LMO2: variants seen among roughly 807,000 people sequenced by gnomAD.
LMO2 encodes the protein rhombotin-2.
In LMO2, 20 loss-of-function variants were observed where a neutral mutation model predicts 23.2. That is an observed-to-expected ratio of 0.86 (90% CI 0.61 to 1.25). LMO2 has a LOEUF of 1.25. LMO2 is among the 50% of genes most tolerant of loss of function. LMO2 has a pLI of 0.00. For synonymous variants in LMO2, 123 were observed against 130.2 expected, an observed-to-expected ratio of 0.94 and a Z score of 0.38; for missense variants, 270 against 315.3, an observed-to-expected ratio of 0.86 and a Z score of 1.09.
intron 2 of LMO2, among the ~76,000 whole-genome samples, chr11:33,878,180 C>G (rs1857182452): frequency 8.3e-6 from 1 of 120,706 alleles, no homozygotes; most frequent in South Asian, 2.8e-4. Flanking sequence ...TTAAAGGCAC[C>G]CTGTAATCCT....
intron 1 of LMO2, among the ~76,000 whole-genome samples, chr11:33,886,655 G>A (rs76532225): frequency 3.3e-5 from 5 of 152,180 alleles, no homozygotes; most frequent in Non-Finnish European, 7.4e-5. Flanking sequence ...AATGACAGGG[G>A]CATCTGTATC....
rs905640490 is a variant in LMO2 at position 33,869,724 on chromosome 11, C to T, written c.-8G>A. The T allele has an allele frequency of 7.8e-7, 1 of 1,286,026 alleles. No individual in the cohort carries two copies. Among genetic ancestry groups the T allele is most frequent in the African/African-American group, 1.6e-5 (1 of 63,900 alleles). The allele number at this position is 1,286,026 out of a possible 1,614,324, so 79.7% of individuals were successfully genotyped here. ...CAGGACTTAACCTTCCATCCCGGTC[C>T]CGCCGCCGCCACCGCCCGGTCCCTC... On this transcript the variant is annotated 5_prime_UTR_variant, in exon 3 of 6. Transcript: ENST00000257818.
In LMO2 at chr11:33,869,315, G is replaced by C. The variant is rs185381992; in HGVS notation, c.248+31C>G. Reference sequence around the variant, plus strand: ...CCGGGACGCGAGGCCGTGGACACCGGGGGTGGCAGGGGCAGGGGGGCCGCA... The same window carrying C: ...CCGGGACGCGAGGCCGTGGACACCGCGGGTGGCAGGGGCAGGGGGGCCGCA... On this transcript the variant is annotated intron_variant, in intron 4 of 5. Coordinates refer to ENST00000257818, the MANE Select transcript of LMO2 (RefSeq NM_005574.4). The C allele has an allele frequency of 1.1e-3, 1,327 of 1,164,394 alleles. 8 individuals carry two copies. In the African/African-American group the frequency reaches 0.02, roughly 17 times the overall value. The allele number at this position is 1,164,394 out of a possible 1,614,324, so 72.1% of individuals were successfully genotyped here. A position where few individuals can be genotyped will look rare whatever the true frequency, so the allele number is the denominator to read the frequency against.
chr11:33,881,279 C>CA (rs766220946), intron 2 of LMO2: 1 of 456,956 alleles, frequency 2.2e-6, no homozygotes, highest in South Asian at 1.5e-5. Flanking sequence ...TCATATCTCG[C>CA]AAAGGAAGAG....
chr11:33,872,642 C>G (rs1857051603), intron 2 of LMO2, among the ~76,000 whole-genome samples: 1 of 152,162 alleles, frequency 6.6e-6, no homozygotes, highest in South Asian at 2.1e-4. Flanking sequence ...AAGCAGGAAA[C>G]AGGATTCCTT....
At chr11:33,871,404 AAAAAAT>A (rs1408059842) in intron 2 of LMO2, among the ~76,000 whole-genome samples, 1 of 151,880 alleles carries the variant, frequency 6.6e-6, no homozygotes, top group Admixed American at 6.6e-5. Flanking sequence ...TACAAAAAAT[AAAAAAT>A]AAAAATAATT....
At chr11:33,884,785 T>C (rs906229524) in intron 1 of LMO2, among the ~76,000 whole-genome samples, 1 of 152,262 alleles carries the variant, frequency 6.6e-6, no homozygotes, top group Admixed American at 6.5e-5. Flanking sequence ...CAGGATACAC[T>C]ATGCCCTCTG....
At chr11:33,867,358 TA>T (rs1237532497) in intron 4 of LMO2, among the ~76,000 whole-genome samples, 1 of 152,214 alleles carries the variant, frequency 6.6e-6, no homozygotes, top group Non-Finnish European at 1.5e-5. Context: ...GTAAAAGAGT[TA>T]CGGTGATGGC....
At chr11:33,886,818 C>G (rs1249783728) in intron 1 of LMO2, among the ~76,000 whole-genome samples, 1 of 152,232 alleles carries the variant, frequency 6.6e-6, no homozygotes. Flanking sequence ...GGCCAATATT[C>G]TATCCCCTGT....
chr11:33,881,233 A>G (rs762259366), intron 2 of LMO2: 9 of 457,082 alleles, frequency 2.0e-5, no homozygotes, highest in Non-Finnish European at 1.8e-5. Context: ...TTCAAGCTAC[A>G]GTGCTTCCCA....
intron 1 of LMO2, among the ~76,000 whole-genome samples, chr11:33,890,235 G>C (rs1486049649): frequency 6.6e-6 from 1 of 152,184 alleles, no homozygotes; most frequent in East Asian, 1.9e-4. Context: ...TCTGGTGATA[G>C]ATACCAATAG....
At chr11:33,887,540 ATT>A (rs3072488) in intron 1 of LMO2, among the ~76,000 whole-genome samples, 1,659 of 132,886 alleles carry the variant, frequency 0.012, 17 homozygotes, top group Non-Finnish European at 0.017. Flanking sequence ...AGGAATGTGG[ATT>A]TTTTTTTTTT....
intron 2 of LMO2, 83 bp from the exon 3 acceptor site, chr11:33,870,070 C>CA: frequency 4.6e-5 from 11 of 237,866 alleles, no homozygotes; most frequent in East Asian, 1.8e-4. Flanking sequence ...TTTTTTCTTC[C>CA]TTTTTTTTTT....
chr11:33,860,644 G>A (rs532001334), intron 5 of LMO2, among the ~76,000 whole-genome samples: 2 of 152,142 alleles, frequency 1.3e-5, no homozygotes, highest in South Asian at 4.2e-4. Flanking sequence ...CATGCCTCTA[G>A]TCTCAGCTAT....
rs1191646794 is a variant in LMO2 at position 33,869,908 on chromosome 11, C to T, written c.-192G>A. On this transcript the variant is annotated 5_prime_UTR_variant, in exon 3 of 6. Transcript: ENST00000257818. ...TAGGGGCGGGGAGGGGACCGTGCGT[C>T]TCTCTCCGGGCTTCCTCCTCTCTCG... 2.9e-6 allele frequency: 3 copies of T among 1,050,416 alleles called. No homozygotes were observed. The highest frequency in any genetic ancestry group is 3.4e-5 in the African/African-American group (2 of 58,886). 65.1% of individuals were successfully genotyped at this position (1,050,416 alleles called of 1,614,324 possible). A position where few individuals can be genotyped will look rare whatever the true frequency, so the allele number is the denominator to read the frequency against.
intron 2 of LMO2, among the ~76,000 whole-genome samples, chr11:33,871,873 A>T (rs759490865): frequency 6.6e-6 from 1 of 152,136 alleles, no homozygotes; most frequent in Non-Finnish European, 1.5e-5. Flanking sequence ...TAATCTGAGG[A>T]GGCAGTATGC....
chr11:33,861,808 C>T (rs779346642), intron 5 of LMO2, among the ~76,000 whole-genome samples: 36 of 152,054 alleles, frequency 2.4e-4, no homozygotes, highest in Non-Finnish European at 3.5e-4. Context: ...GGACAAAGGA[C>T]GAATATGTGG....
intron 1 of LMO2, among the ~76,000 whole-genome samples, chr11:33,882,345 C>A (rs1255433429): frequency 6.6e-6 from 1 of 152,182 alleles, no homozygotes; most frequent in Non-Finnish European, 1.5e-5. Flanking sequence ...TCTCTTATCC[C>A]TCTGAGTCTC....
chr11:33,887,062 C>T (rs883495), intron 1 of LMO2, among the ~76,000 whole-genome samples: 105,783 of 152,188 alleles, frequency 0.7, 37,337 homozygotes, highest in Middle Eastern at 0.76. Flanking sequence ...AGCAATCCCA[C>T]ATGGGAATCC....
Sources: allele counts gnomAD v4.1 joint callset (sites outside exome capture counted in the v4.1 genomes callset), GRCh38; gene constraint gnomAD v4.1.1; transcripts MANE v1.5; gene names NCBI Gene and HGNC (gene_info 2026-07-23, HGNC 2026-07-21).